PARD3B: variants seen among roughly 807,000 people sequenced by gnomAD.
PARD3B encodes par-3 family cell polarity regulator beta.
PARD3B carries 103 observed loss-of-function variants against 130.2 expected under a neutral mutation model. The observed-to-expected ratio is 0.79, with a 90% CI of 0.67 to 0.93. The LOEUF (loss-of-function observed/expected upper bound fraction) is 0.93, where lower values mean the gene tolerates loss of function less well. Among genes scored for constraint, PARD3B ranks in the 40% least tolerant of loss-of-function variants. The pLI, the probability that PARD3B is intolerant of heterozygous loss-of-function variation, is 0.00. For missense variants in PARD3B, 1,609 were observed against 1,499.2 expected (o/e 1.07, Z -1.21); for synonymous variants, 583 against 553.2 (o/e 1.05, Z -0.76).
intron 2 of PARD3B, among the ~76,000 whole-genome samples, chr2:204,696,720 T>C (rs2037627345): frequency 6.6e-6 from 1 of 152,120 alleles, no homozygotes; most frequent in South Asian, 2.1e-4. Context: ...GTTTTCCCTG[T>C]CATGTGAATA....
Position 204,686,239 on chromosome 2 carries a change from A to G in PARD3B, c.179A>G (p.Asp60Gly). Reference protein sequence around the residue: ...HLEYTDGGILDPDDVLADVVE... With the variant: ...HLEYTDGGILGPDDVLADVVE... ...GAATATACAGATGGAGGAATCCTGG[A>G]TCCAGATGATGTCTTGGCAGATGTT... The change falls in exon 2 of 23, where the codon GAT becomes GGT. Residue 60 changes from aspartate (D) to glycine (G), a missense_variant. Physicochemically the swap from Asp to Gly is moderately conservative, Grantham distance 94. Coordinates refer to ENST00000406610, the MANE Select transcript of PARD3B (RefSeq NM_001302769.2). 3 of 1,612,884 alleles carry G rather than the reference A, an allele frequency of 1.9e-6. No individual in the cohort carries two copies. Among genetic ancestry groups the G allele is most frequent in the Non-Finnish European group, 2.5e-6 (3 of 1,179,024 alleles).
chr2:204,804,846 C>A (rs950923994), intron 2 of PARD3B, among the ~76,000 whole-genome samples: 2 of 151,998 alleles, frequency 1.3e-5, no homozygotes, highest in African/African-American at 4.8e-5. Context: ...AGAAACTATA[C>A]AAACACATGG....
chr2:204,831,555 G>C (rs1209177238), intron 2 of PARD3B, among the ~76,000 whole-genome samples: 1 of 152,156 alleles, frequency 6.6e-6, no homozygotes, highest in African/African-American at 2.4e-5. Flanking sequence ...ATGTTCCTAA[G>C]ATACATGAGA....
intron 2 of PARD3B, among the ~76,000 whole-genome samples, chr2:204,932,228 G>T (rs527944203): frequency 1.3e-5 from 2 of 152,078 alleles, no homozygotes; most frequent in African/African-American, 4.8e-5. Context: ...ATGGCTCAAA[G>T]TATTGTTGAA....
chr2:204,688,514 AG>A (rs200737061), intron 2 of PARD3B, among the ~76,000 whole-genome samples: 2,804 of 148,376 alleles, frequency 0.019, 87 homozygotes, highest in African/African-American at 0.065. Context: ...CAGGAGGCAG[AG>A]GTTGCAGTGA....
chr2:204,629,359 A>C (rs557791678), intron 1 of PARD3B, among the ~76,000 whole-genome samples: 2 of 152,122 alleles, frequency 1.3e-5, no homozygotes, highest in Non-Finnish European at 2.9e-5. Flanking sequence ...GCTTTTCTGT[A>C]TTTGTGTGAA....
chr2:205,219,398 C>T (rs1196236540), intron 15 of PARD3B, among the ~76,000 whole-genome samples: 4 of 152,028 alleles, frequency 2.6e-5, no homozygotes, highest in African/African-American at 9.7e-5. Flanking sequence ...CACATAAACC[C>T]CCAAAGTTAA....
chr2:204,975,148 A>C (rs538386480), intron 3 of PARD3B, among the ~76,000 whole-genome samples: 1 of 152,294 alleles, frequency 6.6e-6, no homozygotes, highest in African/African-American at 2.4e-5. Context: ...CATGTGTACC[A>C]TTAGTCAGTA....
rs2033736415 is a variant in PARD3B at position 204,606,679 on chromosome 2, C to G, written c.120+60560C>G. 6.6e-6 allele frequency among the ~76,000 whole-genome samples: 1 copy of G among 152,112 alleles called. No individual in the cohort carries two copies. The highest frequency in any genetic ancestry group is 1.5e-5 in the Non-Finnish European group (1 of 68,034). ...TGGCTACCACAGATGACGCACTGGTCTCATTACCTATTCCGGTAAGATTCT... is the reference window on the plus strand; with the variant it reads ...TGGCTACCACAGATGACGCACTGGTGTCATTACCTATTCCGGTAAGATTCT... On this transcript the variant is annotated intron_variant, in intron 1 of 22. Coordinates refer to ENST00000406610, the MANE Select transcript of PARD3B (RefSeq NM_001302769.2). This position sits in a 1 kb window ranked among gnomAD's most constrained non-coding sequence, Gnocchi z 4.0.
At chr2:204,863,330 C>T (rs1484032076) in intron 2 of PARD3B, among the ~76,000 whole-genome samples, 1 of 152,152 alleles carries the variant, frequency 6.6e-6, no homozygotes, top group Non-Finnish European at 1.5e-5. Flanking sequence ...GGAGCGCCAT[C>T]CTTGCATCAC....
chr2:204,919,796 C>G (rs140867419), intron 2 of PARD3B, among the ~76,000 whole-genome samples: 2 of 152,246 alleles, frequency 1.3e-5, no homozygotes, highest in East Asian at 3.9e-4. Flanking sequence ...TTAAGGCAAG[C>G]CATACGTTGT....
intron 3 of PARD3B, among the ~76,000 whole-genome samples, chr2:204,988,433 A>G (rs1693366127): frequency 6.6e-6 from 1 of 152,194 alleles, no homozygotes; most frequent in African/African-American, 2.4e-5. Flanking sequence ...ATGACACACA[A>G]CATGGTGACT....
chr2:205,485,571 C>T (rs192686673), intron 20 of PARD3B, among the ~76,000 whole-genome samples: 71 of 152,274 alleles, frequency 4.7e-4, no homozygotes, highest in African/African-American at 1.7e-3. Context: ...AGAGAGCTAG[C>T]GTCTCCCAGA....
At chr2:205,426,954 C>A (rs564081525) in intron 19 of PARD3B, among the ~76,000 whole-genome samples, 17 of 151,962 alleles carry the variant, frequency 1.1e-4, no homozygotes, top group Non-Finnish European at 2.4e-4. Context: ...ATAGTAAAAT[C>A]AGCAAAAGAT....
intron 1 of PARD3B, among the ~76,000 whole-genome samples, chr2:204,585,713 T>C (rs533995059): frequency 1.3e-5 from 2 of 151,906 alleles, no homozygotes; most frequent in African/African-American, 2.4e-5. Context: ...GTTGCTATAA[T>C]ATACGTCTGC....
rs925429107 is a variant in PARD3B at position 205,390,435 on chromosome 2, A to T, written c.2631-10578A>T. On this transcript the variant is annotated intron_variant, in intron 18 of 22. Transcript: ENST00000406610. ...TAATTTTAAATTTCAGATAAATATGATTTCAGCTGTGATCCTACATGGACT... is the reference window on the plus strand; with the variant it reads ...TAATTTTAAATTTCAGATAAATATGTTTTCAGCTGTGATCCTACATGGACT... Among the ~76,000 whole-genome samples, 7 of 152,330 alleles carry T rather than the reference A, an allele frequency of 4.6e-5. No individual in the cohort carries two copies. In the East Asian group the frequency reaches 1.3e-3, roughly 29 times the overall value.
At chr2:205,514,787 T>C (rs2050723577) in intron 21 of PARD3B, among the ~76,000 whole-genome samples, 1 of 151,770 alleles carries the variant, frequency 6.6e-6, no homozygotes, top group Non-Finnish European at 1.5e-5. Context: ...CTTCTTTTAT[T>C]TTATATTTAA....
At position 205,244,918 on chromosome 2, in the gene PARD3B, G is replaced by C. The variant is rs539215720; in HGVS notation, c.2141-860G>C. ...CTATTCCCAGCCCTGTGTGAACTTCGGATGCTGTTCCTCTTCCAGTTTGGA... is the reference window on the plus strand; with the variant it reads ...CTATTCCCAGCCCTGTGTGAACTTCCGATGCTGTTCCTCTTCCAGTTTGGA... On this transcript the variant is annotated intron_variant, in intron 15 of 22. Coordinates refer to ENST00000406610, the MANE Select transcript of PARD3B (RefSeq NM_001302769.2). The surrounding 1 kb of genome is among the most constrained non-coding windows in gnomAD (Gnocchi z 4.7). Among the ~76,000 whole-genome samples the C allele has an allele frequency of 6.6e-6, 1 of 152,132 alleles. No individual in the cohort carries two copies.
chr2:204,895,923 G>A (rs545527283), intron 2 of PARD3B, among the ~76,000 whole-genome samples: 27 of 152,260 alleles, frequency 1.8e-4, no homozygotes, highest in African/African-American at 5.5e-4. Context: ...TATCTGAAAA[G>A]GTAGACAGGA....
Sources: gnomAD v4.1 joint callset for allele counts (sites outside exome capture counted in the v4.1 genomes callset) on GRCh38, gnomAD v4.1.1 for gene constraint, Gnocchi (gnomAD v3.1) non-coding constraint, MANE v1.5 for transcripts, NCBI Gene and HGNC (gene_info 2026-07-23, HGNC 2026-07-21) for gene names.